Variants in STX18 observed in about 807,000 individuals in gnomAD.
STX18 encodes the protein syntaxin 18, also known as syntaxin-18.
Under a neutral mutation model 50.1 loss-of-function variants are expected in STX18, and 40 were observed. That is an observed-to-expected ratio of 0.80 (90% CI 0.62 to 1.04). The LOEUF (loss-of-function observed/expected upper bound fraction) is 1.04. STX18 is among the 50% of genes least tolerant of loss of function. STX18 has a pLI of 0.00. For missense variants in STX18, 410 were observed against 415.8 expected (o/e 0.99, Z 0.12); for synonymous variants, 158 against 151.8 (o/e 1.04, Z -0.30).
intron 1 of STX18, among the ~76,000 whole-genome samples, chr4:4,494,641 G>C (rs1729090419): frequency 6.6e-6 from 1 of 151,898 alleles, no homozygotes; most frequent in African/African-American, 2.4e-5. Context: ...TTCCCCTGAT[G>C]CAAAAATAAC....
intron 5 of STX18, among the ~76,000 whole-genome samples, chr4:4,451,776 C>T (rs879709950): frequency 7.2e-5 from 11 of 152,154 alleles, no homozygotes; most frequent in Non-Finnish European, 1.5e-4. Flanking sequence ...TCTCCTCGGG[C>T]CGTCCTATTC....
intron 1 of STX18, among the ~76,000 whole-genome samples, chr4:4,529,676 A>T (rs1473400626): frequency 6.6e-6 from 1 of 152,122 alleles, no homozygotes. Flanking sequence ...TGCCAGGACT[A>T]CTCATCTCAC....
At chr4:4,481,331 G>A (rs1728450101) in intron 1 of STX18, among the ~76,000 whole-genome samples, 1 of 152,144 alleles carries the variant, frequency 6.6e-6, no homozygotes, top group African/African-American at 2.4e-5. Flanking sequence ...TTCCAACAAA[G>A]ACCTGATTGA....
At chr4:4,435,440 A>G (rs937891774) in intron 6 of STX18, among the ~76,000 whole-genome samples, 1 of 152,206 alleles carries the variant, frequency 6.6e-6, no homozygotes, top group African/African-American at 2.4e-5. Context: ...TTCAAGTAAT[A>G]CACAGTTTTG....
intron 1 of STX18, among the ~76,000 whole-genome samples, chr4:4,487,310 A>G (rs1023655346): frequency 1.3e-5 from 2 of 152,210 alleles, no homozygotes; most frequent in African/African-American, 4.8e-5. Flanking sequence ...CATGAGAACC[A>G]CCTACACTGA....
At chr4:4,440,589 C>G (rs1044588942) in intron 5 of STX18, among the ~76,000 whole-genome samples, 1 of 152,178 alleles carries the variant, frequency 6.6e-6, no homozygotes, top group Non-Finnish European at 1.5e-5. Context: ...AAAGGTGTTT[C>G]ACTATATAAG....
intron 1 of STX18, among the ~76,000 whole-genome samples, chr4:4,539,286 A>C (rs1450058968): frequency 6.6e-6 from 1 of 152,240 alleles, no homozygotes; most frequent in Non-Finnish European, 1.5e-5. Flanking sequence ...TAAGTCTGAC[A>C]ACCAGGGCTA....
chr4:4,477,828 T>C (rs542659985), intron 1 of STX18: 2 of 152,312 alleles, frequency 1.3e-5, no homozygotes, highest in East Asian at 1.9e-4. Flanking sequence ...TTGTACTACA[T>C]CTCTATTCAA....
intron 1 of STX18, among the ~76,000 whole-genome samples, chr4:4,492,609 C>T (rs1032712474): frequency 2.0e-5 from 3 of 152,054 alleles, no homozygotes; most frequent in South Asian, 2.1e-4. Context: ...CTTAGTATGA[C>T]GATGCATCAA....
At chr4:4,502,129 G>C (rs979064161) in intron 1 of STX18, among the ~76,000 whole-genome samples, 7 of 152,150 alleles carry the variant, frequency 4.6e-5, no homozygotes, top group Admixed American at 4.6e-4. Flanking sequence ...ACCTCTATTA[G>C]GTGTAATATA....
chr4:4,445,664 C>T (rs188057532), intron 5 of STX18, among the ~76,000 whole-genome samples: 197 of 151,224 alleles, frequency 1.3e-3, no homozygotes, highest in Non-Finnish European at 1.7e-3. Context: ...CAAAATATTG[C>T]TGAGAAAAAG....
chr4:4,507,815 TAAAAAAAAA>T (rs879049430), intron 1 of STX18: 5 of 218,722 alleles, frequency 2.3e-5, no homozygotes, highest in South Asian at 7.2e-5. Context: ...ATATTCACAG[TAAAAAAAAA>T]AAAAAAAAAA....
rs114816096 is a variant in STX18 at position 4,538,828 on chromosome 4, A to C, written c.168+2969T>G. Among the ~76,000 whole-genome samples the C allele has an allele frequency of 1.7e-3, 254 of 152,264 alleles. 2 individuals carry two copies. In the Middle Eastern group the frequency reaches 0.027, roughly 16 times the overall value. ...ATCATCCTCACTAGTCCCACACTTCAAATGAGTTAACTAATCAAATTCCCA... is the reference window on the plus strand; with the variant it reads ...ATCATCCTCACTAGTCCCACACTTCCAATGAGTTAACTAATCAAATTCCCA... On this transcript the variant is annotated intron_variant, in intron 1 of 10. Transcript: ENST00000306200.
chr4:4,452,846 G>A (rs1239517993), intron 5 of STX18, among the ~76,000 whole-genome samples: 2 of 152,180 alleles, frequency 1.3e-5, no homozygotes, highest in Admixed American at 1.3e-4. Context: ...ATGGGAGGAG[G>A]TCAAAATATC....
chr4:4,436,390 G>A (rs1426218483), intron 6 of STX18, among the ~76,000 whole-genome samples: 2 of 151,986 alleles, frequency 1.3e-5, no homozygotes, highest in Admixed American at 1.3e-4. Context: ...AGGAACATTT[G>A]TACTTTCATC....
At chr4:4,431,964 C>T (rs184704143) in intron 7 of STX18, among the ~76,000 whole-genome samples, 1 of 152,310 alleles carries the variant, frequency 6.6e-6, no homozygotes, top group East Asian at 1.9e-4. Flanking sequence ...CTAGGTCCCA[C>T]ATTTGCTGGA....
intron 1 of STX18, among the ~76,000 whole-genome samples, chr4:4,501,357 C>T (rs1043464228): frequency 1.3e-5 from 2 of 152,234 alleles, no homozygotes; most frequent in Non-Finnish European, 2.9e-5. Flanking sequence ...GCAGGCCACA[C>T]TCCAGGACCA....
At chr4:4,435,841 C>A (rs1269726068) in intron 6 of STX18, among the ~76,000 whole-genome samples, 1 of 152,122 alleles carries the variant, frequency 6.6e-6, no homozygotes, top group East Asian at 1.9e-4. Context: ...ATACCACAGG[C>A]CCCTAGAAAG....
chr4:4,419,877 C>A lies in STX18; in HGVS notation c.*157G>T, dbSNP rs1724835691. On this transcript the variant is annotated 3_prime_UTR_variant, in exon 11 of 11. Transcript: ENST00000306200. ...TGAACACCATCGGCCTGGGGTATCC[C>A]TTTTTGGGGAATACGTCTGTCTGTC... 3.0e-6 allele frequency: 2 copies of A among 658,870 alleles called. No individual in the cohort carries two copies. Among genetic ancestry groups the A allele is most frequent in the Non-Finnish European group, 5.2e-6 (2 of 386,432 alleles). 40.8% of individuals were successfully genotyped at this position (658,870 alleles called of 1,614,324 possible).
Sources: gnomAD v4.1 joint callset for allele counts (sites outside exome capture counted in the v4.1 genomes callset) on GRCh38, gnomAD v4.1.1 for gene constraint, MANE v1.5 for transcripts, NCBI Gene and HGNC (gene_info 2026-07-23, HGNC 2026-07-21) for gene names.